The following CCDC169 variants were observed in gnomAD, a reference collection of about 807,000 sequenced individuals.
CCDC169 encodes coiled-coil domain containing 169, also known as coiled-coil domain-containing protein 169.
In CCDC169, 30 loss-of-function variants were observed where a neutral mutation model predicts 36.0. That is an observed-to-expected ratio of 0.83 (90% CI 0.62 to 1.13). The LOEUF is 1.13. CCDC169 is among the 50% of genes most tolerant of loss of function. The probability of loss-of-function intolerance (pLI) is 0.00; values close to 1 mark genes in which losing one functional copy is unlikely to be tolerated. For synonymous variants in CCDC169, 85 were observed against 81.5 expected (o/e 1.04, Z -0.23); for missense variants, 245 against 245.9 (o/e 1.00, Z 0.03).
At chr13:36,287,849 T>A (rs1049023451) in intron 2 of CCDC169, among the ~76,000 whole-genome samples, 1 of 145,552 alleles carries the variant, frequency 6.9e-6, no homozygotes, top group Non-Finnish European at 1.6e-5. Flanking sequence ...TCTTTGTGTA[T>A]TTTTTTTTGA....
intron 4 of CCDC169, 107 bp from the exon 5 acceptor site, chr13:36,254,250 T>A: frequency 1.4e-6 from 1 of 716,946 alleles, no homozygotes; most frequent in Non-Finnish European, 2.1e-6. Flanking sequence ...TAATATTTTG[T>A]GATTTCATAA....
chr13:36,297,751 C>T lies in CCDC169; in HGVS notation c.-32G>A. 5 of 1,544,192 alleles carry T rather than the reference C, an allele frequency of 3.2e-6. No homozygotes were observed. The highest frequency in any genetic ancestry group is 4.4e-6 in the Non-Finnish European group (5 of 1,142,130). On this transcript the variant is annotated 5_prime_UTR_variant, in exon 1 of 8. Transcript: ENST00000239859. ...AGGCCAGAGACCTCCCGCGTCTTTC[C>T]CCTCAGCACCTTAGAGCACAAGACA...
intron 4 of CCDC169, among the ~76,000 whole-genome samples, chr13:36,278,036 T>C (rs1443027398): frequency 6.6e-6 from 1 of 152,122 alleles, no homozygotes; most frequent in Non-Finnish European, 1.5e-5. Context: ...ACAACTTATA[T>C]AACAGCACAG....
At chr13:36,261,493 A>G (rs192570949) in intron 4 of CCDC169, among the ~76,000 whole-genome samples, 43 of 152,320 alleles carry the variant, frequency 2.8e-4, no homozygotes, top group African/African-American at 9.9e-4. Flanking sequence ...AGCCAGCAAC[A>G]TAATTTGGCA....
In CCDC169 at chr13:36,280,420, C is replaced by T. The variant is rs1877361932; in HGVS notation, c.315+3049G>A. 2.6e-5 allele frequency: 4 copies of T among 152,222 alleles called. No homozygotes were observed. In the South Asian group the frequency reaches 8.3e-4, roughly 32 times the overall value. The allele number at this position is 152,222 out of a possible 1,614,324, so 9.4% of individuals were successfully genotyped here. On this transcript the variant is annotated intron_variant, in intron 4 of 7. Coordinates refer to ENST00000239859, the MANE Select transcript of CCDC169 (RefSeq NM_001144981.3). ...AAAACCAGAAACAACCTAAAATACC[C>T]AGTTATAGGGAAAAGTAATTGAACA... is the stretch of plus-strand genomic sequence containing the variant.
At chr13:36,245,166 T>C (rs1872350626) in intron 7 of CCDC169, among the ~76,000 whole-genome samples, 1 of 152,188 alleles carries the variant, frequency 6.6e-6, no homozygotes, top group East Asian at 1.9e-4. Flanking sequence ...AAGTTATATA[T>C]TAATGTTTTT....
chr13:36,244,573 C>T (rs1198000021), intron 7 of CCDC169: 1 of 151,852 alleles, frequency 6.6e-6, no homozygotes, highest in East Asian at 1.9e-4. Flanking sequence ...GTGCCTTATG[C>T]CTTTGTTGAT....
chr13:36,255,218 G>A (rs1442287253), intron 4 of CCDC169, among the ~76,000 whole-genome samples: 1 of 152,176 alleles, frequency 6.6e-6, no homozygotes, highest in East Asian at 1.9e-4. Flanking sequence ...TGCACCTTGT[G>A]AAGTCTCTGG....
At chr13:36,239,505 G>C (rs1566060962) in intron 7 of CCDC169, among the ~76,000 whole-genome samples, 1 of 152,032 alleles carries the variant, frequency 6.6e-6, no homozygotes, top group East Asian at 1.9e-4. Flanking sequence ...CCAAATTATT[G>C]TCATATGTAT....
chr13:36,236,064 T>A (rs1019441925), intron 7 of CCDC169, among the ~76,000 whole-genome samples: 4 of 152,024 alleles, frequency 2.6e-5, no homozygotes, highest in African/African-American at 9.6e-5. Context: ...ATTGTTAAGA[T>A]GGCAACACTA....
intron 7 of CCDC169, among the ~76,000 whole-genome samples, chr13:36,245,089 G>A (rs1248621512): frequency 6.6e-6 from 1 of 151,974 alleles, no homozygotes; most frequent in Non-Finnish European, 1.5e-5. Flanking sequence ...CTCTTACCTT[G>A]ACCTATATAT....
At chr13:36,282,108 C>T (rs1877610284) in intron 4 of CCDC169, among the ~76,000 whole-genome samples, 1 of 140,508 alleles carries the variant, frequency 7.1e-6, no homozygotes, top group African/African-American at 2.5e-5. Flanking sequence ...TTCAAACTAA[C>T]ACATCAATTT....
intron 4 of CCDC169, among the ~76,000 whole-genome samples, chr13:36,271,480 A>G (rs1876053696): frequency 6.6e-6 from 1 of 152,232 alleles, no homozygotes; most frequent in Non-Finnish European, 1.5e-5. Flanking sequence ...AGCACAATTC[A>G]TAATTGCAAA....
At chr13:36,225,760 T>C (rs562009467), downstream of CCDC169, 1 of 151,682 alleles carries the variant, frequency 6.6e-6, no homozygotes, top group Admixed American at 6.6e-5. Context: ...AATAACCCCA[T>C]TAAAAAAAAT....
At chr13:36,270,660 A>G (rs1238271217) in intron 4 of CCDC169, among the ~76,000 whole-genome samples, 1 of 152,256 alleles carries the variant, frequency 6.6e-6, no homozygotes, top group Non-Finnish European at 1.5e-5. Flanking sequence ...ATACAAAAAC[A>G]TAACTTAGGG....
At chr13:36,290,506 T>A (rs1337163049) in intron 2 of CCDC169, among the ~76,000 whole-genome samples, 1 of 152,070 alleles carries the variant, frequency 6.6e-6, no homozygotes, top group East Asian at 1.9e-4. Context: ...ATTGAATCCC[T>A]CCAGGCCCAG....
At chr13:36,281,350 T>C in intron 4 of CCDC169, 1 of 410,538 alleles carries the variant, frequency 2.4e-6, no homozygotes, top group Non-Finnish European at 4.7e-6. Context: ...CAACCCTTGA[T>C]ACATCATGCT....
rs1005691911 is a variant in CCDC169, at chr13:36,277,241, C to T, written c.315+6228G>A. ...GAAAACCAAACACCCCATGTTCTCA[C>T]TTATAAGTGGGGCCTGAACATTGAG... On this transcript the variant is annotated intron_variant, in intron 4 of 7. Coordinates refer to ENST00000239859, the MANE Select transcript of CCDC169 (RefSeq NM_001144981.3). Among the ~76,000 whole-genome samples the T allele has an allele frequency of 6.6e-5, 10 of 152,198 alleles. No homozygotes were observed. The East Asian group carries it at 1.5e-3, about 24-fold the overall frequency.
chr13:36,269,946 T>C (rs990408831), intron 4 of CCDC169, among the ~76,000 whole-genome samples: 1 of 151,450 alleles, frequency 6.6e-6, no homozygotes, highest in Admixed American at 6.6e-5. Flanking sequence ...AAGAGAGAAA[T>C]AAAGGGCATC....
Sources: allele counts gnomAD v4.1 joint callset (sites outside exome capture counted in the v4.1 genomes callset), GRCh38; gene constraint gnomAD v4.1.1; transcripts MANE v1.5; gene names NCBI Gene and HGNC (gene_info 2026-07-23, HGNC 2026-07-21).